Variants in TEX15 observed in about 807,000 individuals in gnomAD.
The protein encoded by TEX15 is testis expressed 15, meiosis and synapsis associated.
A neutral mutation model predicts 237.3 loss-of-function variants in TEX15; 171 were observed. That is an observed-to-expected ratio of 0.72 (90% CI 0.64 to 0.82). The LOEUF (loss-of-function observed/expected upper bound fraction) is 0.82. Ranked by LOEUF, TEX15 falls within the 40% of genes least tolerant of loss-of-function variation. The pLI, the probability that TEX15 is intolerant of heterozygous loss-of-function variation, is 0.00. For missense variants in TEX15, 3,750 were observed against 3,646.5 expected, an observed-to-expected ratio of 1.03 and a Z score of -0.73; for synonymous variants, 1,338 against 1,269.8, an observed-to-expected ratio of 1.05 and a Z score of -1.14.
rs564254465 is a variant in TEX15, at chr8:30,909,678, CCTA to C, written c.-86+3198_-86+3200del. 3.9e-5 allele frequency among the ~76,000 whole-genome samples: 6 copies of C among 152,116 alleles called. No individual in the cohort carries two copies. The South Asian group carries it at 1.0e-3, about 26-fold the overall frequency. On this transcript the variant is annotated intron_variant, in intron 1 of 10. Coordinates refer to ENST00000643185, the MANE Select transcript of TEX15 (RefSeq NM_001350162.2). ...AAAAGTTAATTTCTGATCATCTTGC[CCTA>C]CTACTTGACTAACTTTATAAAGCTT...
At position 30,837,581 on chromosome 8, in the gene TEX15, A is replaced by G; in HGVS notation, c.8703T>C (p.Phe2901=). The change falls in exon 10 of 11, where the codon TTT becomes TTC. Residue 2901 remains phenylalanine (F), a synonymous_variant. Transcript: ENST00000643185. ...CTAGATCAGGATGGACATCTTTCACAAAACAGAAAATTGGCTTTGAGAGCA... is the reference window on the plus strand; with the variant it reads ...CTAGATCAGGATGGACATCTTTCACGAAACAGAAAATTGGCTTTGAGAGCA... ...ASVLSKPIFC[F]VKDVHPDLEM... 1.9e-6 allele frequency: 3 copies of G among 1,614,144 alleles called. No individual in the cohort carries two copies. The highest frequency in any genetic ancestry group is 2.5e-6 in the Non-Finnish European group (3 of 1,180,004).
At chr8:30,878,178 C>T (rs573446753) in intron 3 of TEX15, among the ~76,000 whole-genome samples, 1 of 136,394 alleles carries the variant, frequency 7.3e-6, no homozygotes, top group East Asian at 2.1e-4. Context: ...CTTTTTATTG[C>T]TAAGTAGTAT....
In TEX15 at chr8:30,846,869, T is replaced by C. The variant is rs1320365309; in HGVS notation, c.3298A>G (p.Ile1100Val). ...VTSYKALKSR[I>V]SWEGLLALDN... is the part of the protein sequence containing the mutation. ...AGTGCTAACAGACCTTCCCAACTGA[T>C]ACGAGACTTCAGAGCCTTATATGAG... is the stretch of plus-strand genomic sequence containing the variant. Residue 1100 changes from isoleucine to valine, a missense_variant, in exon 8 of 11, where the codon ATC (isoleucine) becomes GTC (valine). Coordinates refer to ENST00000643185, the MANE Select transcript of TEX15 (RefSeq NM_001350162.2). The C allele has an allele frequency of 1.9e-6, 3 of 1,613,802 alleles. No individual in the cohort carries two copies. The highest frequency in any genetic ancestry group is 3.3e-5 in the Admixed American group (2 of 59,982).
chr8:30,850,486 T>C (rs1051070780), intron 7 of TEX15, among the ~76,000 whole-genome samples: 1 of 152,192 alleles, frequency 6.6e-6, no homozygotes, highest in African/African-American at 2.4e-5. Flanking sequence ...CACTGACAAG[T>C]ACCATAAGGT....
intron 3 of TEX15, among the ~76,000 whole-genome samples, chr8:30,885,474 C>T (rs968572894): frequency 4.6e-5 from 7 of 152,146 alleles, no homozygotes; most frequent in Non-Finnish European, 5.9e-5. Context: ...TCCCCAGCCA[C>T]GTGGAACTGT....
chr8:30,844,516 C>A lies in TEX15; in HGVS notation c.5651G>T (p.Cys1884Phe). 1 of 1,612,830 alleles carries A rather than the reference C, an allele frequency of 6.2e-7. No individual in the cohort carries two copies. The highest frequency in any genetic ancestry group is 2.2e-5 in the East Asian group (1 of 44,852). The change falls in exon 8 of 11, where the codon TGC (cysteine) becomes TTC (phenylalanine). Residue 1884 changes from cysteine to phenylalanine, a missense_variant. Cys to Phe is a radical substitution (Grantham distance 205). Transcript: ENST00000643185. ...AGTTGTAATAATTTTCTCATTTAAGCAGGATTCTTCTGAGATCTGATTCTT... is the reference window on the plus strand; with the variant it reads ...AGTTGTAATAATTTTCTCATTTAAGAAGGATTCTTCTGAGATCTGATTCTT... ...NQKNQISEES[C>F]LNEKIITTNL...
chr8:30,912,810 A>C (rs1311998890), intron 1 of TEX15, 69 bp downstream of exon 1: 1 of 152,164 alleles, frequency 6.6e-6, no homozygotes, highest in African/African-American at 2.4e-5. Flanking sequence ...TCACTCCTTA[A>C]TTTTAATTTA....
intron 3 of TEX15, among the ~76,000 whole-genome samples, chr8:30,885,968 A>G (rs568095546): frequency 6.6e-6 from 1 of 152,212 alleles, no homozygotes; most frequent in East Asian, 1.9e-4. Flanking sequence ...ATTTGTTTCA[A>G]AAGTGTCTGT....
intron 7 of TEX15, among the ~76,000 whole-genome samples, chr8:30,854,678 C>T (rs536596694): frequency 6.6e-6 from 1 of 152,068 alleles, no homozygotes; most frequent in South Asian, 2.1e-4. Flanking sequence ...CAAAACCAGA[C>T]AAAGACATCA....
At chr8:30,892,411 G>GA (rs374384081) in intron 2 of TEX15, among the ~76,000 whole-genome samples, 20 of 146,080 alleles carry the variant, frequency 1.4e-4, no homozygotes, top group East Asian at 4.0e-4. Context: ...AAAACCAGAA[G>GA]AAAAAAAAAA....
intron 10 of TEX15, among the ~76,000 whole-genome samples, chr8:30,833,546 A>T (rs895558085): frequency 6.6e-6 from 1 of 152,198 alleles, no homozygotes; most frequent in Non-Finnish European, 1.5e-5. Context: ...CATCTCTCTA[A>T]GCTATCCTGT....
At chr8:30,881,798 T>C (rs1225942527) in intron 3 of TEX15, among the ~76,000 whole-genome samples, 1 of 151,884 alleles carries the variant, frequency 6.6e-6, no homozygotes, top group Non-Finnish European at 1.5e-5. Context: ...ATTTTTTGTA[T>C]TTCAGTAGAG....
At chr8:30,866,744 C>T (rs770757109) in intron 5 of TEX15, among the ~76,000 whole-genome samples, 5 of 151,532 alleles carry the variant, frequency 3.3e-5, no homozygotes, top group South Asian at 2.1e-4. Flanking sequence ...CACACACACA[C>T]GCATGCACAA....
chr8:30,860,911 T>C (rs1407485850), intron 5 of TEX15, among the ~76,000 whole-genome samples: 2 of 151,892 alleles, frequency 1.3e-5, no homozygotes, highest in Admixed American at 6.6e-5. Context: ...CAAACACGAA[T>C]AGCTCAGAAT....
At position 30,849,165 on chromosome 8, in the gene TEX15, A is replaced by T. The variant is rs747716962; in HGVS notation, c.1002T>A (p.Pro334=). The change falls in exon 8 of 11, where the codon CCT becomes CCA. Residue 334 remains proline (P), a synonymous_variant. Coordinates refer to ENST00000643185, the MANE Select transcript of TEX15 (RefSeq NM_001350162.2). The stretch of plus-strand genomic sequence containing the variant: ...AGGAGTTAGAAATATTTGAGATGAA[A>T]GGATTTATCTCTGAATTTAGTGCAT... ...LCNALNSEIN[P]FISNISNSYG... 1.8e-5 allele frequency: 28 copies of T among 1,550,076 alleles called. No homozygotes were observed. The highest frequency in any genetic ancestry group is 2.3e-5 in the Non-Finnish European group (27 of 1,150,582).
intron 5 of TEX15, among the ~76,000 whole-genome samples, chr8:30,860,408 G>T (rs905277246): frequency 1.2e-4 from 18 of 151,592 alleles, no homozygotes; most frequent in Non-Finnish European, 2.5e-4. Context: ...CACCGTGCCA[G>T]GCCCTGATTT....
chr8:30,865,777 T>G (rs1242989152), intron 5 of TEX15, among the ~76,000 whole-genome samples: 1 of 152,090 alleles, frequency 6.6e-6, no homozygotes, highest in Non-Finnish European at 1.5e-5. Context: ...ACAAATTGGG[T>G]ACAGAAGGAA....
chr8:30,841,956 G>C, intron 8 of TEX15, 48 bp downstream of exon 8: 1 of 1,363,148 alleles, frequency 7.3e-7, no homozygotes, highest in East Asian at 2.4e-5. Flanking sequence ...GAGTAGACTT[G>C]TTTTCAAAAA....
intron 2 of TEX15, chr8:30,887,888 TC>T (rs1348209863): frequency 2.5e-5 from 2 of 81,470 alleles, no homozygotes; most frequent in Non-Finnish European, 5.3e-5. Context: ...CATATATATT[TC>T]ATATATATAT....
Sources: gnomAD v4.1 joint callset for allele counts (sites outside exome capture counted in the v4.1 genomes callset) on GRCh38, gnomAD v4.1.1 for gene constraint, MANE v1.5 for transcripts, NCBI Gene and HGNC (gene_info 2026-07-23, HGNC 2026-07-21) for gene names.